CPB2: variants seen among roughly 807,000 people sequenced by gnomAD.
CPB2 encodes carboxypeptidase B2, also known as carboxypeptidase B-like protein.
A neutral mutation model predicts 57.0 loss-of-function variants in CPB2; 54 were observed. The ratio of observed to expected loss-of-function variants is 0.95; its 90% CI spans 0.76 to 1.19. The LOEUF is 1.19. Ranked by LOEUF, CPB2 falls within the 50% of genes most tolerant of loss-of-function variation. The pLI is 0.00. For synonymous variants in CPB2, 189 were observed against 178.1 expected (o/e 1.06, Z -0.49); for missense variants, 426 against 512.0 (o/e 0.83, Z 1.62).
At chr13:46,086,264 G>T (rs1022848273) in intron 2 of CPB2, among the ~76,000 whole-genome samples, 1 of 152,210 alleles carries the variant, frequency 6.6e-6, no homozygotes, top group Non-Finnish European at 1.5e-5. Flanking sequence ...AGCTCTGTTT[G>T]TGTTAGAGCT....
chr13:46,102,342 A>C (rs1400895485), intron 1 of CPB2, among the ~76,000 whole-genome samples: 2 of 152,084 alleles, frequency 1.3e-5, no homozygotes, highest in Non-Finnish European at 2.9e-5. Flanking sequence ...TACCCTTTAT[A>C]GTGTTTGGCT....
chr13:46,082,609 GC>G, intron 3 of CPB2, 60 bp from the exon 4 acceptor site: 2 of 1,033,338 alleles, frequency 1.9e-6, no homozygotes, highest in Non-Finnish European at 3.0e-6. Context: ...TTCCCACATG[GC>G]CCATTGCAGG....
chr13:46,095,201 C>T (rs774707940), intron 1 of CPB2, among the ~76,000 whole-genome samples: 104 of 152,056 alleles, frequency 6.8e-4, no homozygotes, highest in Middle Eastern at 3.2e-3. Context: ...CATGAACATA[C>T]TAGGTAGTTG....
chr13:46,104,016 T>G (rs890878925), intron 1 of CPB2, among the ~76,000 whole-genome samples: 53 of 152,354 alleles, frequency 3.5e-4, no homozygotes, highest in African/African-American at 1.2e-3. Flanking sequence ...ATCAGTTCAG[T>G]GATCATGTAC....
intron 2 of CPB2, among the ~76,000 whole-genome samples, chr13:46,086,255 G>A (rs1217198531): frequency 2.0e-5 from 3 of 152,160 alleles, no homozygotes; most frequent in Non-Finnish European, 4.4e-5. Flanking sequence ...GCGTGTTTCA[G>A]CTCTGTTTGT....
At chr13:46,098,933 C>A (rs2045400486) in intron 1 of CPB2, 1 of 152,192 alleles carries the variant, frequency 6.6e-6, no homozygotes, top group Non-Finnish European at 1.5e-5. Flanking sequence ...CCTGGGGAAA[C>A]TAACCTGCAA....
chr13:46,088,748 CTT>C (rs1160331103), intron 1 of CPB2, among the ~76,000 whole-genome samples: 7 of 152,206 alleles, frequency 4.6e-5, no homozygotes, highest in Non-Finnish European at 1.0e-4. Flanking sequence ...CATTTTCTGA[CTT>C]ATTAATGAAG....
At chr13:46,101,839 TC>T (rs2045438460) in intron 1 of CPB2, among the ~76,000 whole-genome samples, 1 of 152,206 alleles carries the variant, frequency 6.6e-6, no homozygotes, top group Non-Finnish European at 1.5e-5. Context: ...CTTCCTCTGT[TC>T]CTTCCCTTCT....
chr13:46,082,570 T>C (rs2139393311), intron 3 of CPB2, 21 bp from the exon 4 acceptor site: 1 of 1,525,848 alleles, frequency 6.6e-7, no homozygotes, highest in East Asian at 2.3e-5. Flanking sequence ...AAACAGAGAG[T>C]GAGCTAGTTT....
At chr13:46,072,116 G>A (rs1027941020) in intron 6 of CPB2, among the ~76,000 whole-genome samples, 2 of 152,258 alleles carry the variant, frequency 1.3e-5, no homozygotes, top group South Asian at 2.1e-4. Context: ...TTTGCCTCCC[G>A]AGAGTACATG....
At chr13:46,082,094 G>A (rs1450607417) in intron 4 of CPB2, among the ~76,000 whole-genome samples, 1 of 152,118 alleles carries the variant, frequency 6.6e-6, no homozygotes, top group Non-Finnish European at 1.5e-5. Context: ...TAGGGTAATG[G>A]TCCAAAGAGA....
intron 1 of CPB2, 36 bp downstream of exon 1, chr13:46,104,900 A>T (rs1481229736): frequency 6.2e-7 from 1 of 1,613,100 alleles, no homozygotes; most frequent in East Asian, 2.2e-5. Flanking sequence ...AAGTGAGGAG[A>T]GTGGCCCACC....
At chr13:46,082,829 C>A (rs1335318798) in intron 3 of CPB2, among the ~76,000 whole-genome samples, 1 of 152,168 alleles carries the variant, frequency 6.6e-6, no homozygotes, top group African/African-American at 2.4e-5. Flanking sequence ...ACCAACATTA[C>A]TCAATGGTGA....
rs2139380274 is a variant in CPB2 at position 46,076,194 on chromosome 13, G to GA, written c.487-2218dup. Among the ~76,000 whole-genome samples, 3 of 152,114 alleles carry GA rather than the reference G, an allele frequency of 2.0e-5. No homozygotes were observed. In the East Asian group the frequency reaches 5.8e-4, roughly 29 times the overall value. On this transcript the variant is annotated intron_variant, in intron 5 of 10. Coordinates refer to ENST00000181383, the MANE Select transcript of CPB2 (RefSeq NM_001872.5). Reference sequence around the variant, plus strand: ...AATAAAAGGCATCTAAATTGGAAGGGAAAAATCAAATTATCCTTGGTTTTA... The same window carrying GA: ...AATAAAAGGCATCTAAATTGGAAGGGAAAAAATCAAATTATCCTTGGTTTTA...
At chr13:46,076,183 A>G (rs1038494301) in intron 5 of CPB2, among the ~76,000 whole-genome samples, 2 of 152,200 alleles carry the variant, frequency 1.3e-5, no homozygotes, top group Non-Finnish European at 2.9e-5. Context: ...AAAGGCATCT[A>G]AATTGGAAGG....
intron 8 of CPB2, among the ~76,000 whole-genome samples, chr13:46,061,777 C>T (rs1264690536): frequency 6.6e-6 from 1 of 152,116 alleles, no homozygotes; most frequent in Admixed American, 6.5e-5. Context: ...CTCTCATCTC[C>T]AACACACACA....
rs374341270 is a variant in CPB2 at position 46,073,909 on chromosome 13, C to T, written c.555G>A (p.Trp185Ter). 3 of 1,590,036 alleles carry T rather than the reference C, an allele frequency of 1.9e-6. No homozygotes were observed. Among genetic ancestry groups the T allele is most frequent in the Non-Finnish European group, 1.7e-6 (2 of 1,161,330 alleles). ...ACCACAAGCAGAAAGCAGGAGAGAT[C>T]CATTCTCTGGCATGGATTCCACAGT... The part of the protein sequence containing the change: ...WIDCGIHARE[W>*]ISPAFCLWFI... Residue 185 changes from tryptophan (W) to a stop codon, truncating the protein, a stop_gained, in exon 6 of 11, where the codon TGG becomes TGA. Transcript: ENST00000181383. LOFTEE classifies it high-confidence loss of function.
At chr13:46,104,276 A>G (rs2045468692) in intron 1 of CPB2, among the ~76,000 whole-genome samples, 1 of 152,238 alleles carries the variant, frequency 6.6e-6, no homozygotes. Context: ...AAAGGAAACA[A>G]TATCAATGTT....
chr13:46,062,579 C>T (rs2044791259), intron 8 of CPB2, among the ~76,000 whole-genome samples: 1 of 152,122 alleles, frequency 6.6e-6, no homozygotes, highest in Non-Finnish European at 1.5e-5. Flanking sequence ...CTAAATGATT[C>T]CCTGGAACCT....
Sources: gnomAD v4.1 joint callset for allele counts (sites outside exome capture counted in the v4.1 genomes callset) on GRCh38, gnomAD v4.1.1 for gene constraint, MANE v1.5 for transcripts, NCBI Gene and HGNC (gene_info 2026-07-23, HGNC 2026-07-21) for gene names.